SERPINF1: variants seen among roughly 807,000 people sequenced by gnomAD.
The protein encoded by SERPINF1 is serpin family F member 1, also known as pigment epithelium-derived factor.
SERPINF1 carries 29 observed loss-of-function variants against 37.3 expected under a neutral mutation model. The ratio of observed to expected loss-of-function variants is 0.78; its 90% CI spans 0.58 to 1.06. The LOEUF is 1.06. Among genes scored for constraint, SERPINF1 ranks in the 50% least tolerant of loss-of-function variants. The pLI is 0.00. For synonymous variants in SERPINF1, 281 were observed against 227.9 expected (o/e 1.23, Z -2.10); for missense variants, 553 against 532.2 (o/e 1.04, Z -0.38).
At chr17:1,767,994 G>C (rs1907487433) in intron 2 of SERPINF1, among the ~76,000 whole-genome samples, 2 of 152,006 alleles carry the variant, frequency 1.3e-5, no homozygotes, top group South Asian at 2.1e-4. Flanking sequence ...CTTGAATCCA[G>C]GAGTTTGAGA....
intron 3 of SERPINF1, chr17:1,770,709 C>A (rs1206190234): frequency 5.6e-6 from 2 of 356,800 alleles, no homozygotes; most frequent in East Asian, 1.4e-4. Context: ...ATCCACCCGC[C>A]TTGGCCTCCC....
chr17:1,762,434 G>A (rs1311839175), intron 1 of SERPINF1, among the ~76,000 whole-genome samples: 1 of 152,200 alleles, frequency 6.6e-6, no homozygotes, highest in East Asian at 1.9e-4. Context: ...GGAAAGGGGA[G>A]CTAAGCTGCT....
intron 5 of SERPINF1, among the ~76,000 whole-genome samples, chr17:1,772,351 G>A (rs1907800944): frequency 6.6e-6 from 1 of 151,658 alleles, no homozygotes; most frequent in Non-Finnish European, 1.5e-5. Context: ...CCTGAGCTCA[G>A]GTGGTCTGCC....
rs553039751 is a variant in SERPINF1, at chr17:1,769,277, T to C, written c.85-575T>C. On this transcript the variant is annotated intron_variant, in intron 2 of 7. Transcript: ENST00000254722. Reference sequence around the variant, plus strand: ...ACAAAAAATTACCCAGGCATGGTGGTGGGCGCCTGTAGTCCCAGCTACTCG... The same window carrying C: ...ACAAAAAATTACCCAGGCATGGTGGCGGGCGCCTGTAGTCCCAGCTACTCG... Among the ~76,000 whole-genome samples the C allele has an allele frequency of 1.7e-4, 26 of 151,706 alleles. No homozygotes were observed. In the East Asian group the frequency reaches 2.6e-3, roughly 15 times the overall value.
chr17:1,769,905 C>T lies in SERPINF1; in HGVS notation c.138C>T (p.Phe46=). Residue 46 remains phenylalanine, a synonymous_variant, in exon 3 of 8, where the codon TTC becomes TTT. Coordinates refer to ENST00000254722, the MANE Select transcript of SERPINF1 (RefSeq NM_002615.7). ...CGCTGGTGGAGGAGGAGGATCCTTT[C>T]TTCAAAGTCCCCGTGAACAAGCTGG... ...TGALVEEEDP[F]FKVPVNKLAA... 6.2e-7 allele frequency: 1 copy of T among 1,614,212 alleles called. No homozygotes were observed. The highest frequency in any genetic ancestry group is 8.5e-7 in the Non-Finnish European group (1 of 1,180,032).
chr17:1,764,609 ATCT>A (rs1907262089), intron 1 of SERPINF1, among the ~76,000 whole-genome samples: 2 of 152,356 alleles, frequency 1.3e-5, no homozygotes, highest in Middle Eastern at 3.4e-3. Flanking sequence ...CTCAAAGGCA[ATCT>A]TCTTTCATGC....
At chr17:1,776,773 G>A in intron 7 of SERPINF1, 31 bp downstream of exon 7, 2 of 1,603,358 alleles carry the variant, frequency 1.2e-6, no homozygotes, top group South Asian at 2.2e-5. Context: ...GCTCTTGGTG[G>A]GTGGATGGGG....
chr17:1,775,225 G>T (rs200844985), intron 6 of SERPINF1, 25 bp downstream of exon 6: 2 of 1,606,848 alleles, frequency 1.2e-6, no homozygotes, highest in Non-Finnish European at 1.7e-6. Flanking sequence ...GGGCAGGGTG[G>T]GGGGTGGATG....
At chr17:1,769,484 C>T (rs1458846826) in intron 2 of SERPINF1, among the ~76,000 whole-genome samples, 1 of 151,752 alleles carries the variant, frequency 6.6e-6, no homozygotes, top group East Asian at 1.9e-4. Flanking sequence ...TGAGGCCAGG[C>T]GCAGTGGCGC....
At position 1,777,096 on chromosome 17, in the gene SERPINF1, T is replaced by A. The variant is rs1249676902; in HGVS notation, c.998-91T>A. ...AGGCCTCAGAGAAAGTCAACAGTGC[T>A]GCGCCATCCCAGCTTGCTTGCAAAG... On this transcript the variant is annotated intron_variant, in intron 7 of 7. Coordinates refer to ENST00000254722, the MANE Select transcript of SERPINF1 (RefSeq NM_002615.7). 3.8e-6 allele frequency: 6 copies of A among 1,599,010 alleles called. No individual in the cohort carries two copies. In the Admixed American group the frequency reaches 5.0e-5, roughly 13 times the overall value.
intron 5 of SERPINF1, 72 bp downstream of exon 5, chr17:1,772,147 T>TA: frequency 6.7e-7 from 1 of 1,486,454 alleles, no homozygotes; most frequent in South Asian, 1.2e-5. Context: ...GATGGAGTCT[T>TA]ACTCTGTAGT....
chr17:1,771,142 C>T lies in SERPINF1; in HGVS notation c.397C>T (p.Gln133Ter), dbSNP rs138610575. 3.1e-6 allele frequency: 5 copies of T among 1,614,116 alleles called. No individual in the cohort carries two copies. Among genetic ancestry groups the T allele is most frequent in the East Asian group, 2.2e-5 (1 of 44,884 alleles). The change falls in exon 4 of 8, where the codon CAG becomes TAG. Residue 133 changes from glutamine (Q) to a stop codon, truncating the protein, a stop_gained. Transcript: ENST00000254722. LOFTEE classifies it high-confidence loss of function. Reference protein sequence around the residue: ...KELLDTVTAPQKNLKSASRIV... With the variant: ...KELLDTVTAP ...GCTCCTTGACACGGTCACTGCCCCC[C>T]AGAAGAACCTCAAGAGTGCCTCCCG...
chr17:1,774,829 C>T (rs568449150), intron 5 of SERPINF1, among the ~76,000 whole-genome samples: 7 of 152,250 alleles, frequency 4.6e-5, no homozygotes, highest in Non-Finnish European at 7.3e-5. Flanking sequence ...ACCAAATCAA[C>T]GTCTTGCCAT....
In SERPINF1 at chr17:1,769,935, G is replaced by T; in HGVS notation, c.168G>T (p.Ala56=). 6.2e-7 allele frequency: 1 copy of T among 1,614,194 alleles called. No individual in the cohort carries two copies. The highest frequency in any genetic ancestry group is 8.5e-7 in the Non-Finnish European group (1 of 1,180,030). The part of the protein sequence containing the change: ...FFKVPVNKLA[A]AVSNFGYDLY... ...AAGTCCCCGTGAACAAGCTGGCAGC[G>T]GCTGTCTCCAACTTCGGCTATGACC... The change falls in exon 3 of 8, where the codon GCG becomes GCT. Residue 56 remains alanine (A), a synonymous_variant. Transcript: ENST00000254722.
At chr17:1,771,432 G>GT (rs1907732927) in intron 4 of SERPINF1, among the ~76,000 whole-genome samples, 1 of 151,944 alleles carries the variant, frequency 6.6e-6, no homozygotes, top group South Asian at 2.1e-4. Flanking sequence ...CAGAGACGGG[G>GT]TTTCACCGTG....
At chr17:1,764,687 C>T (rs1159054975) in intron 1 of SERPINF1, among the ~76,000 whole-genome samples, 6 of 152,182 alleles carry the variant, frequency 3.9e-5, no homozygotes, top group African/African-American at 1.2e-4. Context: ...AATCACACAA[C>T]GTCCTCCCAA....
chr17:1,767,160 T>C (rs1907437384), intron 2 of SERPINF1, among the ~76,000 whole-genome samples, 166 bp downstream of exon 2: 1 of 152,178 alleles, frequency 6.6e-6, no homozygotes, highest in African/African-American at 2.4e-5. Flanking sequence ...GAAAATGTCT[T>C]GCCTTGCCTT....
intron 5 of SERPINF1, 143 bp from the exon 6 acceptor site, chr17:1,774,915 C>T (rs1000648758): frequency 1.0e-6 from 1 of 954,930 alleles, no homozygotes; most frequent in African/African-American, 1.6e-5. Context: ...TGAGATAGGC[C>T]TATTCCCTGA....
At chr17:1,762,376 G>A (rs1415163339) in intron 1 of SERPINF1, 1 of 152,822 alleles carries the variant, frequency 6.5e-6, no homozygotes, top group African/African-American at 2.4e-5. Context: ...GGCTGGAAAG[G>A]CTTTTGAATG....
Sources: gnomAD v4.1 joint callset for allele counts (sites outside exome capture counted in the v4.1 genomes callset) on GRCh38, gnomAD v4.1.1 for gene constraint, MANE v1.5 for transcripts, NCBI Gene and HGNC (gene_info 2026-07-23, HGNC 2026-07-21) for gene names.